The following HTR4 variants were observed in gnomAD, a reference collection of about 807,000 sequenced individuals.
HTR4 encodes 5-hydroxytryptamine (serotonin) receptor 4, G protein-coupled.
A neutral mutation model predicts 36.8 loss-of-function variants in HTR4; 16 were observed. That is an observed-to-expected ratio of 0.43 (90% confidence interval 0.29 to 0.66). The LOEUF (loss-of-function observed/expected upper bound fraction) is 0.66. Ranked by LOEUF, HTR4 falls within the 30% of genes least tolerant of loss-of-function variation. The pLI, the probability that HTR4 is intolerant of heterozygous loss-of-function variation, is 0.13. For synonymous variants in HTR4, 189 were observed against 185.1 expected (o/e 1.02, Z -0.17); for missense variants, 438 against 490.9 (o/e 0.89, Z 1.02).
intron 2 of HTR4, among the ~76,000 whole-genome samples, chr5:148,555,796 G>A (rs1354829951): frequency 6.6e-6 from 1 of 152,080 alleles, no homozygotes. Flanking sequence ...CTTCATGAAA[G>A]AAAATATAAA....
intron 2 of HTR4, among the ~76,000 whole-genome samples, chr5:148,622,723 G>A (rs1303296202): frequency 6.6e-6 from 1 of 152,094 alleles, no homozygotes; most frequent in Admixed American, 6.5e-5. Flanking sequence ...TATTTTGCTA[G>A]ATATTGTGAG....
intron 2 of HTR4, among the ~76,000 whole-genome samples, chr5:148,557,678 G>C (rs1396126210): frequency 2.0e-5 from 3 of 151,688 alleles, no homozygotes; most frequent in African/African-American, 7.3e-5. Flanking sequence ...AGACTATCCA[G>C]GATGTTCTGG....
In HTR4 at chr5:148,482,693, A is replaced by AG. The variant is rs909484189; in HGVS notation, c.*509dup. ...GCACAGAACAGGGCGAAGAAGAGGC[A>AG]GGGGATAGCTTGAACATGGCTGTGA... On this transcript the variant is annotated 3_prime_UTR_variant, in exon 7 of 7. Coordinates refer to ENST00000377888, the MANE Select transcript of HTR4 (RefSeq NM_000870.7). The AG allele has an allele frequency of 1.6e-5, 16 of 1,004,862 alleles. No individual in the cohort carries two copies. The highest frequency in any genetic ancestry group is 1.5e-5 in the Non-Finnish European group (13 of 840,088). The allele number at this position is 1,004,862 out of a possible 1,614,324, so 62.2% of individuals were successfully genotyped here.
At chr5:148,496,625 G>A (rs538543483) in intron 6 of HTR4, among the ~76,000 whole-genome samples, 28 of 152,266 alleles carry the variant, frequency 1.8e-4, no homozygotes, top group African/African-American at 6.0e-4. Flanking sequence ...GGATGGAAAC[G>A]TCAACTCAAT....
intron 3 of HTR4, 149 bp downstream of exon 3, chr5:148,549,988 C>A (rs1759601229): frequency 1.4e-6 from 1 of 732,992 alleles, no homozygotes; most frequent in Non-Finnish European, 2.2e-6. Flanking sequence ...AATTGCAATC[C>A]CTTTTTCTCC....
At chr5:148,618,382 C>A (rs1752784912) in intron 2 of HTR4, among the ~76,000 whole-genome samples, 1 of 152,248 alleles carries the variant, frequency 6.6e-6, no homozygotes, top group Non-Finnish European at 1.5e-5. Flanking sequence ...ATTCTACACT[C>A]TTCTCCAACC....
chr5:148,509,304 G>T, intron 6 of HTR4, 152 bp downstream of exon 6: 1 of 605,522 alleles, frequency 1.7e-6, no homozygotes, highest in Non-Finnish European at 2.9e-6. Context: ...AACCATTGCT[G>T]TATTCCATGA....
At chr5:148,488,791 T>C (rs377298178) in intron 6 of HTR4, among the ~76,000 whole-genome samples, 3 of 152,204 alleles carry the variant, frequency 2.0e-5, no homozygotes, top group East Asian at 1.9e-4. Context: ...GTTTGGGATG[T>C]TAACATTGTG....
At chr5:148,492,551 T>G (rs1386582876) in intron 6 of HTR4, among the ~76,000 whole-genome samples, 4 of 152,226 alleles carry the variant, frequency 2.6e-5, no homozygotes, top group African/African-American at 9.6e-5. Context: ...AGAAAATAAC[T>G]GGAGACCTGG....
At chr5:148,564,831 G>A (rs1339240569) in intron 2 of HTR4, among the ~76,000 whole-genome samples, 1 of 152,070 alleles carries the variant, frequency 6.6e-6, no homozygotes, top group Non-Finnish European at 1.5e-5. Context: ...AATAAATTTG[G>A]CCCGATGTGG....
At chr5:148,476,669 T>A (rs6580550), downstream of HTR4, 3 of 1,597,468 alleles carry the variant, frequency 1.9e-6, no homozygotes, top group Non-Finnish European at 2.6e-6. Context: ...AACTTCAGTG[T>A]ACAAAAACCT....
At chr5:148,461,150 A>T (rs1755269515) in intron 5 of HTR4, among the ~76,000 whole-genome samples, 1 of 152,090 alleles carries the variant, frequency 6.6e-6, no homozygotes, top group Non-Finnish European at 1.5e-5. Context: ...AAAGATAGAA[A>T]ATAGAATAAT....
chr5:148,643,521 GA>G (rs1307318415), intron 1 of HTR4, among the ~76,000 whole-genome samples: 10 of 151,588 alleles, frequency 6.6e-5, no homozygotes, highest in East Asian at 5.8e-4. Flanking sequence ...ATTTTGTGGG[GA>G]AAAAAAAGAG....
intron 2 of HTR4, among the ~76,000 whole-genome samples, chr5:148,635,657 T>C (rs1581575173): frequency 1.3e-5 from 2 of 152,204 alleles, no homozygotes; most frequent in African/African-American, 2.4e-5. Flanking sequence ...TGATACAGTG[T>C]CTGAAATTTA....
At chr5:148,600,910 T>C (rs1761964731) in intron 2 of HTR4, among the ~76,000 whole-genome samples, 1 of 117,862 alleles carries the variant, frequency 8.5e-6, no homozygotes, top group Non-Finnish European at 1.7e-5. Flanking sequence ...AGAAAATACA[T>C]GCAAACCACA....
At chr5:148,631,469 A>G (rs1436679687) in intron 2 of HTR4, among the ~76,000 whole-genome samples, 1 of 152,162 alleles carries the variant, frequency 6.6e-6, no homozygotes, top group Non-Finnish European at 1.5e-5. Flanking sequence ...TCCAGTTCCA[A>G]ATCAATTCCA....
intron 2 of HTR4, among the ~76,000 whole-genome samples, chr5:148,551,909 G>A (rs571902560): frequency 2.0e-5 from 3 of 152,258 alleles, no homozygotes; most frequent in South Asian, 4.2e-4. Context: ...GGGAAAACCA[G>A]GGCCCAGAAA....
At chr5:148,605,371 G>T (rs1005742942) in intron 2 of HTR4, among the ~76,000 whole-genome samples, 8 of 147,072 alleles carry the variant, frequency 5.4e-5, no homozygotes, top group Non-Finnish European at 1.2e-4. Context: ...CGATTCTCCT[G>T]CCTCAGTCTC....
At chr5:148,652,379 T>C (rs7704629) in intron 1 of HTR4, among the ~76,000 whole-genome samples, 1 of 152,002 alleles carries the variant, frequency 6.6e-6, no homozygotes, top group African/African-American at 2.4e-5. Context: ...CAATAACAGG[T>C]GGAAAAATCA....
Sources: allele counts gnomAD v4.1 joint callset (sites outside exome capture counted in the v4.1 genomes callset), GRCh38; gene constraint gnomAD v4.1.1; transcripts MANE v1.5; gene names NCBI Gene and HGNC (gene_info 2026-07-23, HGNC 2026-07-21).